The following CDC42BPA variants were observed in gnomAD, a reference collection of about 807,000 sequenced individuals.
CDC42BPA encodes the protein serine/threonine-protein kinase MRCK alpha.
A neutral mutation model predicts 223.5 loss-of-function variants in CDC42BPA; 80 were observed. The ratio of observed to expected loss-of-function variants is 0.36; its 90% CI spans 0.30 to 0.43. CDC42BPA has a LOEUF of 0.43. Ranked by LOEUF, CDC42BPA falls within the 20% of genes least tolerant of loss-of-function variation. CDC42BPA has a pLI of 1.00. For missense variants in CDC42BPA, 1,743 were observed against 2,099.9 expected (o/e 0.83, Z 3.32); for synonymous variants, 694 against 718.6 (o/e 0.97, Z 0.55).
Position 227,030,266 on chromosome 1 carries a change from A to G in CDC42BPA, c.3838+142T>C, listed in dbSNP as rs1558324026. The G allele has an allele frequency of 6.0e-5, 36 of 600,064 alleles. 1 individual carries two copies. Among genetic ancestry groups the G allele is most frequent in the Non-Finnish European group, 8.5e-5 (29 of 340,858 alleles). The allele number at this position is 600,064 out of a possible 1,614,324, so 37.2% of individuals were successfully genotyped here. ...AAATTTAAAAATAATCTTTTAATTT[A>G]TAAACGTCAAATTAGGTCTGGAAAA... On this transcript the variant is annotated intron_variant, in intron 29 of 36. Coordinates refer to ENST00000366766, the MANE Select transcript of CDC42BPA (RefSeq NM_001394014.1).
At chr1:227,096,075 T>G (rs1683945346) in intron 15 of CDC42BPA, among the ~76,000 whole-genome samples, 1 of 152,178 alleles carries the variant, frequency 6.6e-6, no homozygotes, top group Admixed American at 6.5e-5. Context: ...AAAAGTGTAA[T>G]CTTAAAAATC....
chr1:227,009,531 C>A (rs1307979027), intron 34 of CDC42BPA, among the ~76,000 whole-genome samples: 1 of 152,166 alleles, frequency 6.6e-6, no homozygotes, highest in Non-Finnish European at 1.5e-5. Flanking sequence ...CCCTCAGCCT[C>A]CCAAGTAGCT....
chr1:227,028,848 T>A lies in CDC42BPA; in HGVS notation c.4241A>T (p.Tyr1414Phe), dbSNP rs1297469894. ...RYPLNGEGNP[Y>F]SMLHSNDHTL... ...ATGGTCATTTGAATGGAGCATACTGTATGGATTTCCTTCTCCATTCAAGGG... is the reference window on the plus strand; with the variant it reads ...ATGGTCATTTGAATGGAGCATACTGAATGGATTTCCTTCTCCATTCAAGGG... The change falls in exon 30 of 37, where the codon TAC (tyrosine) becomes TTC (phenylalanine). Residue 1414 changes from tyrosine (Y) to phenylalanine (F), a missense_variant. Around this residue, in one of 6 missense-constraint regions of CDC42BPA, gnomAD observed 678 missense variants for 777.5 expected, o/e 0.87. Transcript: ENST00000366766. 6.2e-7 allele frequency: 1 copy of A among 1,613,796 alleles called. No individual in the cohort carries two copies. Among genetic ancestry groups the A allele is most frequent in the Non-Finnish European group, 8.5e-7 (1 of 1,179,816 alleles).
rs1661174570 is a variant in CDC42BPA, at chr1:226,994,456, G to A, written c.5134-57C>T. 1 of 1,455,076 alleles carries A rather than the reference G, an allele frequency of 6.9e-7. No individual in the cohort carries two copies. Among genetic ancestry groups the A allele is most frequent in the South Asian group, 1.5e-5 (1 of 68,744 alleles). 90.1% of individuals were successfully genotyped at this position (1,455,076 alleles called of 1,614,324 possible). A position where few individuals can be genotyped will look rare whatever the true frequency, so the allele number is the denominator to read the frequency against. On this transcript the variant is annotated intron_variant, in intron 36 of 36. Coordinates refer to ENST00000366766, the MANE Select transcript of CDC42BPA (RefSeq NM_001394014.1). This position sits in a 1 kb window ranked among gnomAD's most constrained non-coding sequence, Gnocchi z 4.0. Reference sequence around the variant, plus strand: ...AGGAGGGGGAGAAAGGGAGGCAGAAGGGGCTCAGATTACCACCGCCCCCTC... The same window carrying A: ...AGGAGGGGGAGAAAGGGAGGCAGAAAGGGCTCAGATTACCACCGCCCCCTC...
intron 23 of CDC42BPA, 69 bp from the exon 24 acceptor site, chr1:227,040,305 C>A: frequency 1.2e-6 from 1 of 846,552 alleles, no homozygotes; most frequent in East Asian, 2.5e-5. Context: ...GTCCTTATGC[C>A]CCATACCACT....
At chr1:227,057,627 G>T (rs1275858093) in intron 21 of CDC42BPA, among the ~76,000 whole-genome samples, 2 of 152,040 alleles carry the variant, frequency 1.3e-5, no homozygotes, top group Admixed American at 6.6e-5. Flanking sequence ...GACTTTTTTT[G>T]TGAGATACTT....
chr1:227,250,663 T>C (rs1053794447), intron 2 of CDC42BPA, among the ~76,000 whole-genome samples: 2 of 151,802 alleles, frequency 1.3e-5, no homozygotes, highest in Non-Finnish European at 2.9e-5. Context: ...TATACCATAA[T>C]ATACTTCAAT....
At chr1:227,190,882 G>T (rs538384276) in intron 5 of CDC42BPA, among the ~76,000 whole-genome samples, 1 of 152,040 alleles carries the variant, frequency 6.6e-6, no homozygotes, top group African/African-American at 2.4e-5. Flanking sequence ...AGTGTGTGGT[G>T]GGGGGTTAAG....
intron 21 of CDC42BPA, among the ~76,000 whole-genome samples, chr1:227,058,589 T>C (rs1057004858): frequency 3.3e-5 from 5 of 152,200 alleles, no homozygotes; most frequent in African/African-American, 1.2e-4. Context: ...GGAGTATGTA[T>C]GTGTGTTTAT....
At chr1:227,138,045 A>G (rs190551197) in intron 10 of CDC42BPA, among the ~76,000 whole-genome samples, 1 of 152,238 alleles carries the variant, frequency 6.6e-6, no homozygotes, top group African/African-American at 2.4e-5. Context: ...AAACAGAAAA[A>G]TTTCAGTCAC....
chr1:227,022,777 C>T (rs1667623368), intron 32 of CDC42BPA, among the ~76,000 whole-genome samples: 1 of 152,156 alleles, frequency 6.6e-6, no homozygotes, highest in Non-Finnish European at 1.5e-5. Flanking sequence ...TCTCTACTCC[C>T]TCTCCTGATT....
intron 31 of CDC42BPA, among the ~76,000 whole-genome samples, chr1:227,024,968 T>A (rs4653476): frequency 2.6e-5 from 4 of 152,206 alleles, no homozygotes; most frequent in Non-Finnish European, 5.9e-5. Flanking sequence ...TAGGGCTGAG[T>A]GCAGTGGATC....
rs566486519 is a variant in CDC42BPA, at chr1:227,064,954, G to A, written c.2904+4823C>T. 5.3e-5 allele frequency among the ~76,000 whole-genome samples: 8 copies of A among 152,032 alleles called. No homozygotes were observed. In the East Asian group the frequency reaches 9.7e-4, roughly 18 times the overall value. The stretch of plus-strand genomic sequence containing the variant: ...CTACTAAAAATACAAAAAATTAGCC[G>A]GGCGTGGTGGTGGGCACCTGTGGTC... On this transcript the variant is annotated intron_variant, in intron 21 of 36. Transcript: ENST00000366766.
intron 5 of CDC42BPA, among the ~76,000 whole-genome samples, chr1:227,189,420 T>G (rs141945959): frequency 2.0e-4 from 30 of 152,252 alleles, no homozygotes; most frequent in African/African-American, 7.2e-4. Flanking sequence ...ATGCCTCAAA[T>G]TTATAATGCA....
intron 5 of CDC42BPA, among the ~76,000 whole-genome samples, chr1:227,187,193 T>A (rs907735069): frequency 2.0e-5 from 3 of 152,074 alleles, no homozygotes; most frequent in African/African-American, 7.2e-5. Flanking sequence ...TGGACAGACA[T>A]CAGAATGAGA....
At chr1:227,312,545 G>A (rs899942657) in intron 1 of CDC42BPA, among the ~76,000 whole-genome samples, 13 of 152,106 alleles carry the variant, frequency 8.5e-5, no homozygotes, top group South Asian at 2.1e-4. Flanking sequence ...TTTCACTCAT[G>A]AAGCAATACA....
intron 3 of CDC42BPA, among the ~76,000 whole-genome samples, chr1:227,200,886 T>A (rs553100384): frequency 6.6e-6 from 1 of 152,340 alleles, no homozygotes; most frequent in East Asian, 1.9e-4. Context: ...GTTGCCAACA[T>A]GACGGGTGTG....
chr1:227,156,999 C>T (rs1210297734), intron 6 of CDC42BPA, among the ~76,000 whole-genome samples: 1 of 152,168 alleles, frequency 6.6e-6, no homozygotes, highest in African/African-American at 2.4e-5. Flanking sequence ...TTTATATTTC[C>T]TATATACAGT....
chr1:227,123,323 A>C (rs1298571579), intron 11 of CDC42BPA, among the ~76,000 whole-genome samples: 2 of 152,214 alleles, frequency 1.3e-5, no homozygotes. Context: ...CAGTACTACG[A>C]AACTGGGTTA....
Sources: gnomAD v4.1 joint callset for allele counts (sites outside exome capture counted in the v4.1 genomes callset) on GRCh38, gnomAD v4.1.1 for gene constraint, gnomAD v4.1.1 regional missense constraint, Gnocchi (gnomAD v3.1) non-coding constraint, MANE v1.5 for transcripts, NCBI Gene and HGNC (gene_info 2026-07-23, HGNC 2026-07-21) for gene names.